OTUD7A: variants seen among roughly 807,000 people sequenced by gnomAD.
OTUD7A encodes the protein OTU deubiquitinase 7A.
Under a neutral mutation model 65.7 loss-of-function variants are expected in OTUD7A, and 12 were observed. That is an observed-to-expected ratio of 0.18 (90% CI 0.12 to 0.30). The LOEUF (loss-of-function observed/expected upper bound fraction) is 0.30. OTUD7A is among the 10% of genes least tolerant of loss of function. The probability of loss-of-function intolerance (pLI) is 1.00; values close to 1 mark genes in which losing one functional copy is unlikely to be tolerated. For missense variants in OTUD7A, 1,148 were observed against 1,304.8 expected, an observed-to-expected ratio of 0.88 and a Z score of 1.85; for synonymous variants, 641 against 586.3, an observed-to-expected ratio of 1.09 and a Z score of -1.35.
chr15:31,793,073 C>T (rs1895861005), intron 1 of OTUD7A, among the ~76,000 whole-genome samples: 1 of 152,182 alleles, frequency 6.6e-6, no homozygotes, highest in African/African-American at 2.4e-5. Context: ...CCCATGACAC[C>T]ACTGCACACA....
chr15:31,791,464 G>A (rs1895813636), intron 1 of OTUD7A, among the ~76,000 whole-genome samples: 1 of 152,052 alleles, frequency 6.6e-6, no homozygotes, highest in Admixed American at 6.6e-5. Context: ...TTCTCTTGCT[G>A]TGTCCCTCTT....
intron 1 of OTUD7A, among the ~76,000 whole-genome samples, chr15:31,804,784 A>G (rs1896225471): frequency 6.6e-6 from 1 of 152,178 alleles, no homozygotes; most frequent in African/African-American, 2.4e-5. Context: ...ACCCATGACA[A>G]GTGATAAGTT....
chr15:31,742,146 T>A (rs1894361200), intron 1 of OTUD7A, among the ~76,000 whole-genome samples: 1 of 151,998 alleles, frequency 6.6e-6, no homozygotes, highest in South Asian at 2.1e-4. Context: ...AATAATTCAG[T>A]CTTACAATCT....
In OTUD7A at chr15:31,844,638, C is replaced by T. The variant is rs537471122; in HGVS notation, c.-100+25869G>A. On this transcript the variant is annotated intron_variant, in intron 1 of 12. Transcript: ENST00000307050. ...GTGTCTCCTGGTTCCTCATATACAA[C>T]TCCCAGAACTCCTGATTCCATAGCC... Among the ~76,000 whole-genome samples, 8 of 152,360 alleles carry T rather than the reference C, an allele frequency of 5.3e-5. No homozygotes were observed. In the South Asian group the frequency reaches 1.0e-3, roughly 20 times the overall value.
At chr15:31,676,906 G>A (rs186551103) in intron 1 of OTUD7A, among the ~76,000 whole-genome samples, 6 of 152,348 alleles carry the variant, frequency 3.9e-5, no homozygotes, top group Non-Finnish European at 8.8e-5. Flanking sequence ...AAAACTGTAA[G>A]TGTGCCAGAG....
At chr15:31,610,166 A>G (rs1343231679) in intron 3 of OTUD7A, among the ~76,000 whole-genome samples, 2 of 152,212 alleles carry the variant, frequency 1.3e-5, no homozygotes, top group African/African-American at 4.8e-5. Flanking sequence ...CTTATATCAG[A>G]CAAAACAAAC....
At position 31,796,226 on chromosome 15, in the gene OTUD7A, ATCT is replaced by A. The variant is rs1279745129; in HGVS notation, c.-100+74278_-100+74280del. Among the ~76,000 whole-genome samples, 8 of 118,264 alleles carry A rather than the reference ATCT, an allele frequency of 6.8e-5. No homozygotes were observed. In the East Asian group the frequency reaches 1.1e-3, roughly 17 times the overall value. 77.6% of individuals were successfully genotyped at this position (118,264 alleles called of 152,430 possible). ...TATCTATCTATCTATCTATCTATCT[ATCT>A]ATCTATCATCTATCTGTCTTCTATC... On this transcript the variant is annotated intron_variant, in intron 1 of 12. Transcript: ENST00000307050.
intron 1 of OTUD7A, chr15:31,765,953 TG>T: frequency 7.3e-7 from 1 of 1,362,094 alleles, no homozygotes; most frequent in Non-Finnish European, 1.0e-6. Context: ...CTAAAAGTTC[TG>T]CAATTGCAGC....
intron 3 of OTUD7A, among the ~76,000 whole-genome samples, chr15:31,594,570 G>C (rs1889847524): frequency 6.6e-6 from 1 of 152,240 alleles, no homozygotes; most frequent in Non-Finnish European, 1.5e-5. Flanking sequence ...CCAGAGCACA[G>C]TTAGAGAGCT....
At chr15:31,538,281 G>T (rs540222984) in intron 5 of OTUD7A, among the ~76,000 whole-genome samples, 1 of 152,326 alleles carries the variant, frequency 6.6e-6, no homozygotes, top group Non-Finnish European at 1.5e-5. Context: ...AGGGTGCTAT[G>T]TGTGCCTGGG....
intron 1 of OTUD7A, among the ~76,000 whole-genome samples, chr15:31,680,177 T>C (rs185198847): frequency 2.6e-5 from 4 of 152,290 alleles, no homozygotes; most frequent in African/African-American, 9.6e-5. Flanking sequence ...ACATTGCTAG[T>C]AGGAGAATAT....
intron 8 of OTUD7A, among the ~76,000 whole-genome samples, chr15:31,514,039 T>C (rs1197623534): frequency 7.1e-6 from 1 of 140,106 alleles, no homozygotes; most frequent in Admixed American, 7.4e-5. Context: ...TTTTTTTCTT[T>C]TCTTTCTTTC....
At chr15:31,783,118 G>C (rs538341719) in intron 1 of OTUD7A, among the ~76,000 whole-genome samples, 1 of 152,268 alleles carries the variant, frequency 6.6e-6, no homozygotes, top group South Asian at 2.1e-4. Flanking sequence ...CACTGAGCCG[G>C]GAAGAAACCA....
chr15:31,484,640 C>A lies in OTUD7A; in HGVS notation c.1456G>T (p.Asp486Tyr). 6.3e-7 allele frequency: 1 copy of A among 1,588,416 alleles called. No individual in the cohort carries two copies. Reference sequence around the variant, plus strand: ...CTGTTAGAATTGCTGCACACCGAATCGCGGTCCGAGTCCAGCGAGTCGGCC... The same window carrying A: ...CTGTTAGAATTGCTGCACACCGAATAGCGGTCCGAGTCCAGCGAGTCGGCC... Reference protein sequence around the residue: ...SLADSLDSDRDSVCSNSNSNN... With the variant: ...SLADSLDSDRYSVCSNSNSNN... The change falls in exon 13 of 13, where the codon GAT becomes TAT. Residue 486 changes from aspartate to tyrosine, a missense_variant. Around this residue, in one of 6 missense-constraint regions of OTUD7A, gnomAD observed 842 missense variants for 769.5 expected, o/e 1.09. Transcript: ENST00000307050. This position sits in a 1 kb window ranked among gnomAD's most constrained non-coding sequence, Gnocchi z 4.5.
chr15:31,567,557 C>G (rs1888914380), intron 4 of OTUD7A, among the ~76,000 whole-genome samples: 1 of 152,184 alleles, frequency 6.6e-6, no homozygotes, highest in Admixed American at 6.5e-5. Flanking sequence ...ATTCAAGCAG[C>G]CTGAGGAGCA....
rs1400969779 is a variant in OTUD7A at position 31,475,820 on chromosome 15, T to C, written c.*7474A>G. ...CTACTTTTGCCTCAGTGTTTTCCTT[T>C]GTCCACAGTAATCAAAGAAAATGGG... On this transcript the variant is annotated 3_prime_UTR_variant, in exon 13 of 13. Transcript: ENST00000307050. 3 of 152,206 alleles carry C rather than the reference T, an allele frequency of 2.0e-5. No homozygotes were observed. Among genetic ancestry groups the C allele is most frequent in the Admixed American group, 2.0e-4 (3 of 15,284 alleles). The allele number at this position is 152,206 out of a possible 1,614,324, so 9.4% of individuals were successfully genotyped here.
At chr15:31,850,771 C>A (rs1377277444) in intron 1 of OTUD7A, among the ~76,000 whole-genome samples, 4 of 152,142 alleles carry the variant, frequency 2.6e-5, no homozygotes, top group Admixed American at 2.0e-4. Context: ...AAACCAACAA[C>A]CCAAGGAGTT....
intron 3 of OTUD7A, among the ~76,000 whole-genome samples, chr15:31,571,575 A>G (rs927286001): frequency 1.2e-4 from 19 of 152,218 alleles, no homozygotes; most frequent in African/African-American, 4.6e-4. Flanking sequence ...TACAATTAGG[A>G]TAACACAATC....
In OTUD7A at chr15:31,694,846, A is replaced by G. The variant is rs12440035; in HGVS notation, c.-99-37769T>C. ...ATTGTGTATTTATACCACGTTTTAC[A>G]TTTTCTTTTTTTTTTTTGAGACAGA... is the stretch of plus-strand genomic sequence containing the variant. On this transcript the variant is annotated intron_variant, in intron 1 of 12. Coordinates refer to ENST00000307050, the MANE Select transcript of OTUD7A (RefSeq NM_001382637.1). Among the ~76,000 whole-genome samples, 209 of 146,328 alleles carry G rather than the reference A, an allele frequency of 1.4e-3. 3 individuals are homozygous for G. Among genetic ancestry groups the G allele is most frequent in the Admixed American group, 0.012 (172 of 14,890 alleles).
Sources: gnomAD v4.1 joint callset for allele counts (sites outside exome capture counted in the v4.1 genomes callset) on GRCh38, gnomAD v4.1.1 for gene constraint, gnomAD v4.1.1 regional missense constraint, Gnocchi (gnomAD v3.1) non-coding constraint, MANE v1.5 for transcripts, NCBI Gene and HGNC (gene_info 2026-07-23, HGNC 2026-07-21) for gene names.